The following GSE1 variants were observed in gnomAD, a reference collection of about 807,000 sequenced individuals.
The protein encoded by GSE1 is Gse1 coiled-coil protein, also known as genetic suppressor element 1.
In GSE1, 32 loss-of-function variants were observed where a neutral mutation model predicts 112.6. The ratio of observed to expected loss-of-function variants is 0.28; its 90% CI spans 0.21 to 0.38. The LOEUF is 0.38. Ranked by LOEUF, GSE1 falls within the 10% of genes least tolerant of loss-of-function variation. The pLI, the probability that GSE1 is intolerant of heterozygous loss-of-function variation, is 1.00. For synonymous variants in GSE1, 1,115 were observed against 735.6 expected (o/e 1.52, Z -8.35); for missense variants, 2,348 against 1,699.2 (o/e 1.38, Z -6.71).
chr16:85,291,568 C>A (rs972379615), intron 1 of GSE1, among the ~76,000 whole-genome samples: 1 of 152,246 alleles, frequency 6.6e-6, no homozygotes, highest in Admixed American at 6.5e-5. Flanking sequence ...GGCTCAGGGC[C>A]GGCTTGTGCG....
intron 2 of GSE1, among the ~76,000 whole-genome samples, chr16:85,467,336 C>T (rs2050152714): frequency 6.6e-6 from 1 of 152,240 alleles, no homozygotes; most frequent in African/African-American, 2.4e-5. Flanking sequence ...TATGGTGGCA[C>T]CTGTCTTGTT....
chr16:85,235,932 C>A (rs529382100), intron 1 of GSE1, among the ~76,000 whole-genome samples: 153 of 152,064 alleles, frequency 1.0e-3, no homozygotes, highest in Middle Eastern at 3.4e-3. Context: ...ATGCGCGCAT[C>A]TGGGGAGCGA....
chr16:85,626,938 T>C (rs1051571258), intron 1 of GSE1, among the ~76,000 whole-genome samples: 1 of 150,808 alleles, frequency 6.6e-6, no homozygotes, highest in Non-Finnish European at 1.5e-5. Context: ...CGGTTTGGGG[T>C]CTGTTCTGAA....
At chr16:85,440,853 A>G (rs1183399410) in intron 2 of GSE1, among the ~76,000 whole-genome samples, 12 of 152,212 alleles carry the variant, frequency 7.9e-5, no homozygotes, top group Non-Finnish European at 1.8e-4. Flanking sequence ...TGGGAGGCCA[A>G]CTGGCTCAGC....
At chr16:85,174,418 C>T (rs1029017886) in intron 1 of GSE1, among the ~76,000 whole-genome samples, 2 of 152,212 alleles carry the variant, frequency 1.3e-5, no homozygotes, top group African/African-American at 4.8e-5. Flanking sequence ...GGGTCTCAGG[C>T]TCCCCTGGAC....
At chr16:85,246,636 C>T (rs1322660496) in intron 1 of GSE1, among the ~76,000 whole-genome samples, 1 of 151,900 alleles carries the variant, frequency 6.6e-6, no homozygotes, top group South Asian at 2.1e-4. Context: ...GGGCTGGGAG[C>T]CTGAAATCTC....
intron 1 of GSE1, among the ~76,000 whole-genome samples, chr16:85,212,919 G>A (rs943247457): frequency 6.6e-6 from 1 of 152,174 alleles, no homozygotes; most frequent in Admixed American, 6.5e-5. Flanking sequence ...CTCGAGCCCA[G>A]GAGTTTGAGA....
upstream of GSE1, among the ~76,000 whole-genome samples, chr16:85,554,406 T>C (rs964331250): frequency 6.6e-6 from 1 of 152,122 alleles, no homozygotes; most frequent in African/African-American, 2.4e-5. Flanking sequence ...CTTTCGTTAC[T>C]ATGGTGCAGC....
chr16:85,284,378 C>G (rs2151428220), intron 1 of GSE1, among the ~76,000 whole-genome samples: 1 of 152,306 alleles, frequency 6.6e-6, no homozygotes, highest in South Asian at 2.1e-4. Context: ...GCGAGAGCCT[C>G]TGCTTCCATC....
chr16:85,334,425 C>A (rs966761144), intron 1 of GSE1, among the ~76,000 whole-genome samples: 1 of 152,236 alleles, frequency 6.6e-6, no homozygotes, highest in Non-Finnish European at 1.5e-5. Context: ...CAAGGTCCCG[C>A]ACTTGGGCCC....
chr16:85,367,525 A>G (rs1597501108), intron 2 of GSE1, among the ~76,000 whole-genome samples: 1 of 152,342 alleles, frequency 6.6e-6, no homozygotes, highest in East Asian at 1.9e-4. Context: ...CCACGAAGAA[A>G]CAGGCAGGGG....
At chr16:85,265,142 G>A (rs1484949325) in intron 1 of GSE1, among the ~76,000 whole-genome samples, 6 of 152,196 alleles carry the variant, frequency 3.9e-5, no homozygotes, top group African/African-American at 1.4e-4. Context: ...GAGTTGCAAG[G>A]GGGAATATAA....
At chr16:85,195,239 G>A (rs1397139561) in intron 1 of GSE1, among the ~76,000 whole-genome samples, 1 of 152,198 alleles carries the variant, frequency 6.6e-6, no homozygotes, top group Non-Finnish European at 1.5e-5. Flanking sequence ...GCGGTAATAA[G>A]CCACTGTGTA....
chr16:85,525,792 G>T (rs370466732), intron 2 of GSE1, among the ~76,000 whole-genome samples: 1 of 152,202 alleles, frequency 6.6e-6, no homozygotes, highest in African/African-American at 2.4e-5. Flanking sequence ...CTGGGCTCCA[G>T]TTTCTTCCTA....
At chr16:85,563,871 G>A (rs577726512) in intron 1 of GSE1, among the ~76,000 whole-genome samples, 4 of 152,232 alleles carry the variant, frequency 2.6e-5, no homozygotes, top group Non-Finnish European at 4.4e-5. Context: ...GGGTTGGACC[G>A]GGCTGTGCCA....
intron 1 of GSE1, among the ~76,000 whole-genome samples, chr16:85,177,435 C>T (rs1418842735): frequency 2.0e-5 from 3 of 152,198 alleles, no homozygotes; most frequent in Admixed American, 1.3e-4. Flanking sequence ...AAGAGCGTTG[C>T]AGGACTTGCC....
At chr16:85,182,623 C>G (rs2074612746) in intron 1 of GSE1, among the ~76,000 whole-genome samples, 1 of 152,198 alleles carries the variant, frequency 6.6e-6, no homozygotes, top group African/African-American at 2.4e-5. Flanking sequence ...ACGGGAGAAA[C>G]CTGGAGCACG....
chr16:85,280,198 C>G (rs1039115020), intron 1 of GSE1, among the ~76,000 whole-genome samples: 3 of 152,122 alleles, frequency 2.0e-5, no homozygotes, highest in African/African-American at 7.2e-5. Flanking sequence ...TAGGAAGGCC[C>G]TGGCCCAGGA....
rs138841648 is a variant in GSE1, at chr16:85,313,858, C to T, written c.2284-43605C>T. Among the ~76,000 whole-genome samples the T allele has an allele frequency of 7.9e-5, 12 of 152,250 alleles. No individual in the cohort carries two copies. In the East Asian group the frequency reaches 2.3e-3, roughly 29 times the overall value. On this transcript the variant is annotated intron_variant, in intron 1 of 2. Coordinates refer to the GSE1 transcript ENST00000637419. ...TGGGGAGTTGGGAGGCCGGAGGACC[C>T]AAGATACATGAACAGCAAATGCATC...
Sources: gnomAD v4.1 joint callset for allele counts (sites outside exome capture counted in the v4.1 genomes callset) on GRCh38, gnomAD v4.1.1 for gene constraint, MANE v1.5 for transcripts, NCBI Gene and HGNC (gene_info 2026-07-23, HGNC 2026-07-21) for gene names.